ABCC12: variants seen among roughly 807,000 people sequenced by gnomAD.
ABCC12 encodes the protein ATP binding cassette subfamily C member 12, also known as ATP-binding cassette sub-family C member 12.
In ABCC12, 142 loss-of-function variants were observed where a neutral mutation model predicts 151.1. The ratio of observed to expected loss-of-function variants is 0.94; its 90% confidence interval spans 0.82 to 1.08. ABCC12 has a LOEUF of 1.08. ABCC12 is among the 50% of genes least tolerant of loss of function. The probability of loss-of-function intolerance (pLI) is 0.00; values close to 1 mark genes in which losing one functional copy is unlikely to be tolerated. For synonymous variants in ABCC12, 645 were observed against 646.4 expected, an observed-to-expected ratio of 1.00 and a Z score of 0.03; for missense variants, 1,638 against 1,691.1, an observed-to-expected ratio of 0.97 and a Z score of 0.55.
chr16:48,148,437 A>G (rs1163786050), intron 2 of ABCC12, among the ~76,000 whole-genome samples: 1 of 151,802 alleles, frequency 6.6e-6, no homozygotes, highest in Admixed American at 6.6e-5. Flanking sequence ...AGGTCTTGCC[A>G]TGTTGCCCAG....
intron 24 of ABCC12, among the ~76,000 whole-genome samples, chr16:48,093,332 T>C (rs1432517001): frequency 6.6e-6 from 1 of 152,134 alleles, no homozygotes; most frequent in Non-Finnish European, 1.5e-5. Context: ...GCTTCTCAGA[T>C]CCTCAAACAT....
chr16:48,142,235 C>T (rs912409056), intron 4 of ABCC12, among the ~76,000 whole-genome samples: 7 of 152,158 alleles, frequency 4.6e-5, no homozygotes, highest in African/African-American at 1.4e-4. Context: ...AGAAGATGCT[C>T]GTGAGGCATC....
intron 11 of ABCC12, among the ~76,000 whole-genome samples, chr16:48,126,816 A>G (rs1326828553): frequency 6.6e-6 from 1 of 152,142 alleles, no homozygotes; most frequent in Non-Finnish European, 1.5e-5. Context: ...TTTATCTTCA[A>G]TTTATTCCAC....
At chr16:48,123,970 G>A (rs1196800740) in intron 12 of ABCC12, among the ~76,000 whole-genome samples, 3 of 152,246 alleles carry the variant, frequency 2.0e-5, no homozygotes, top group African/African-American at 7.2e-5. Flanking sequence ...CTTTAGGCAA[G>A]GAGGCAATGC....
In ABCC12 at chr16:48,081,811, T is replaced by G. The variant is rs181942798; in HGVS notation, c.*1904A>C. On this transcript the variant is annotated 3_prime_UTR_variant, in exon 31 of 31. Coordinates refer to ENST00000311303, the MANE Select transcript of ABCC12 (RefSeq NM_001393797.1). ...GAGCAGCAGGGATCATTGTAGTCTA[T>G]CCTCTGTCCTCATGAAAACACCACC... Among the ~76,000 whole-genome samples, 4 of 152,260 alleles carry G rather than the reference T, an allele frequency of 2.6e-5. No individual in the cohort carries two copies. The highest frequency in any genetic ancestry group is 2.6e-4 in the Admixed American group (4 of 15,298).
At position 48,138,210 on chromosome 16, in the gene ABCC12, C is replaced by T; in HGVS notation, c.979+18G>A. On this transcript the variant is annotated intron_variant, in intron 8 of 30. Transcript: ENST00000311303. ...TCTACAAGGTAAGTGGTTCTTTAAG[C>T]AGCTACTCTTGTCCTACCTTGGATA... 6.3e-7 allele frequency: 1 copy of T among 1,586,108 alleles called. No individual in the cohort carries two copies. The highest frequency in any genetic ancestry group is 8.6e-7 in the Non-Finnish European group (1 of 1,159,594).
Position 48,128,728 on chromosome 16 carries a change from T to C in ABCC12, c.1246A>G (p.Ile416Val), listed in dbSNP as rs149206802. The change falls in exon 11 of 31, where the codon ATA becomes GTA. Residue 416 changes from isoleucine to valine, a missense_variant. Physicochemically the swap from Ile to Val is conservative, Grantham distance 29. Coordinates refer to ENST00000311303, the MANE Select transcript of ABCC12 (RefSeq NM_001393797.1). ...ATGTAAGATGGGGGGCTTTTATCTA[T>C]GAGAATTTTCTAAGATTAAAGAGAC... ...VSLRRMKKIL[I>V]DKSPPSYITQ... 7.1e-5 allele frequency: 115 copies of C among 1,612,262 alleles called. No individual in the cohort carries two copies. The highest frequency in any genetic ancestry group is 3.9e-5 in the Non-Finnish European group (46 of 1,179,562).
At chr16:48,098,627 C>G (rs1444604015) in intron 23 of ABCC12, among the ~76,000 whole-genome samples, 1 of 152,246 alleles carries the variant, frequency 6.6e-6, no homozygotes, top group Non-Finnish European at 1.5e-5. Context: ...CTGGAAGTCA[C>G]CTGTGGTCTT....
At chr16:48,137,504 C>A (rs1346517087) in intron 8 of ABCC12, among the ~76,000 whole-genome samples, 1 of 152,194 alleles carries the variant, frequency 6.6e-6, no homozygotes, top group Non-Finnish European at 1.5e-5. Flanking sequence ...GGGGTCCCAA[C>A]CTGGGGCACT....
intron 18 of ABCC12, among the ~76,000 whole-genome samples, chr16:48,109,047 C>T (rs190357314): frequency 3.6e-4 from 55 of 152,266 alleles, no homozygotes; most frequent in African/African-American, 1.3e-3. Flanking sequence ...AGGCCGCTCC[C>T]TGGATGGGGG....
rs34106426 is a variant in ABCC12 at position 48,088,001 on chromosome 16, A to G, written c.3560T>C (p.Ile1187Thr). 8.2e-3 allele frequency: 13,306 copies of G among 1,614,204 alleles called. 999 individuals carry two copies. In the African/African-American group the frequency reaches 0.16, roughly 19 times the overall value. The stretch of plus-strand genomic sequence containing the variant: ...GGTTCTGAGGTCTTCCAAGCTGAGA[A>G]TGCAGATATCCACCTCATCAATAAA... ...TIFIDEVDIC[I>T]LSLEDLRTKL... Residue 1187 changes from isoleucine to threonine, a missense_variant, in exon 27 of 31, where the codon ATT (isoleucine) becomes ACT (threonine). By Grantham distance (89) the Ile-to-Thr change is moderately conservative. Coordinates refer to ENST00000311303, the MANE Select transcript of ABCC12 (RefSeq NM_001393797.1).
In ABCC12 at chr16:48,098,216, G is replaced by A. The variant is rs537090442; in HGVS notation, c.3039-1314C>T. Among the ~76,000 whole-genome samples, 7 of 151,616 alleles carry A rather than the reference G, an allele frequency of 4.6e-5. No individual in the cohort carries two copies. The East Asian group carries it at 7.8e-4, about 17-fold the overall frequency. ...TATATTCAAGATTGAAATTTTCACC[G>A]CACTGAGCTGACCATTAACCAAAAG... On this transcript the variant is annotated intron_variant, in intron 23 of 30. Transcript: ENST00000311303.
chr16:48,131,883 C>T (rs1964438401), intron 9 of ABCC12, among the ~76,000 whole-genome samples: 1 of 152,172 alleles, frequency 6.6e-6, no homozygotes, highest in Non-Finnish European at 1.5e-5. Flanking sequence ...CTCAGTTCTT[C>T]CAGGTCCCAA....
At chr16:48,104,517 T>C in intron 21 of ABCC12, 149 bp from the exon 22 acceptor site, 1 of 686,158 alleles carries the variant, frequency 1.5e-6, no homozygotes, top group Non-Finnish European at 2.5e-6. Context: ...AAAGGGAGGA[T>C]GCACCCCATT....
At chr16:48,099,533 T>C (rs1019530286) in intron 23 of ABCC12, among the ~76,000 whole-genome samples, 16 of 152,334 alleles carry the variant, frequency 1.1e-4, no homozygotes, top group Non-Finnish European at 2.1e-4. Flanking sequence ...AGACAGAAAG[T>C]GGGAAAGGCT....
At chr16:48,107,944 G>A (rs1246042448) in intron 19 of ABCC12, among the ~76,000 whole-genome samples, 1 of 152,066 alleles carries the variant, frequency 6.6e-6, no homozygotes, top group African/African-American at 2.4e-5. Flanking sequence ...AGAGGTTGGA[G>A]GTTGCAGTCA....
intron 18 of ABCC12, among the ~76,000 whole-genome samples, chr16:48,110,770 A>G (rs4785405): frequency 0.99 from 150,876 of 152,234 alleles, 74,781 homozygotes; most frequent in East Asian, 1. Context: ...CCTCCCTGAC[A>G]TGTTTGTTTC....
chr16:48,102,209 A>G (rs1319021942), intron 22 of ABCC12, among the ~76,000 whole-genome samples: 2 of 152,200 alleles, frequency 1.3e-5, no homozygotes, highest in Non-Finnish European at 2.9e-5. Flanking sequence ...TCATTTGTAT[A>G]GGAGTAACTG....
intron 8 of ABCC12, among the ~76,000 whole-genome samples, chr16:48,137,876 G>T (rs181282363): frequency 7.8e-4 from 119 of 152,352 alleles, no homozygotes; most frequent in African/African-American, 2.7e-3. Context: ...ATGTGTGAGT[G>T]TATGTGTGTG....
Sources: gnomAD v4.1 joint callset for allele counts (sites outside exome capture counted in the v4.1 genomes callset) on GRCh38, gnomAD v4.1.1 for gene constraint, MANE v1.5 for transcripts, NCBI Gene and HGNC (gene_info 2026-07-23, HGNC 2026-07-21) for gene names.